The following SYNE1 variants were observed in gnomAD, a reference collection of about 807,000 sequenced individuals.
The protein encoded by SYNE1 is nesprin-1.
SYNE1 carries 616 observed loss-of-function variants against 1,111.0 expected under a neutral mutation model. The ratio of observed to expected loss-of-function variants is 0.55; its 90% CI spans 0.52 to 0.59. SYNE1 has a LOEUF of 0.59. Ranked by LOEUF, SYNE1 falls within the 20% of genes least tolerant of loss-of-function variation. The pLI is 0.00. For synonymous variants in SYNE1, 3,855 were observed against 3,825.8 expected (o/e 1.01, Z -0.28); for missense variants, 10,006 against 10,417.0 (o/e 0.96, Z 1.72).
chr6:152,375,171 G>A (rs1266787180), intron 58 of SYNE1, among the ~76,000 whole-genome samples: 3 of 152,092 alleles, frequency 2.0e-5, no homozygotes, highest in Non-Finnish European at 2.9e-5. Context: ...TCAAACTCCT[G>A]ATCTTAAGTG....
intron 137 of SYNE1, 109 bp downstream of exon 137, chr6:152,147,936 G>A (rs985269658): frequency 1.9e-4 from 192 of 998,926 alleles, no homozygotes; most frequent in South Asian, 5.9e-4. Context: ...CAATTTCCCC[G>A]CATGAAAGAA....
chr6:152,539,607 T>C (rs2099259785), intron 4 of SYNE1, among the ~76,000 whole-genome samples: 1 of 152,190 alleles, frequency 6.6e-6, no homozygotes, highest in African/African-American at 2.4e-5. Context: ...ACTTATAGCT[T>C]CTTTGTGTTC....
chr6:152,188,225 A>C (rs2070813315), intron 128 of SYNE1, among the ~76,000 whole-genome samples: 1 of 152,210 alleles, frequency 6.6e-6, no homozygotes, highest in South Asian at 2.1e-4. Context: ...ATTATGTGCC[A>C]GGCAGGGCAC....
Position 152,510,379 on chromosome 6 carries a change from T to C in SYNE1, c.403-8A>G. 6.2e-7 allele frequency: 1 copy of C among 1,613,626 alleles called. No homozygotes were observed. The highest frequency in any genetic ancestry group is 8.5e-7 in the Non-Finnish European group (1 of 1,179,838). The stretch of plus-strand genomic sequence containing the variant: ...GCTGGTCAACTCTTCAATCTGTTTG[T>C]GAGTTAACAGCCAGCAAAAATATAA... On this transcript the variant is annotated splice_region_variant and splice_polypyrimidine_tract_variant and intron_variant, in intron 7 of 145. Transcript: ENST00000367255.
At chr6:152,207,221 G>A (rs915498570) in intron 125 of SYNE1, among the ~76,000 whole-genome samples, 1 of 152,086 alleles carries the variant, frequency 6.6e-6, no homozygotes, top group Non-Finnish European at 1.5e-5. Context: ...GAAGTGTGAT[G>A]GGAAAGGGAG....
intron 131 of SYNE1, among the ~76,000 whole-genome samples, chr6:152,158,011 C>A (rs1237862817): frequency 6.6e-6 from 1 of 152,162 alleles, no homozygotes; most frequent in Admixed American, 6.5e-5. Flanking sequence ...CCCACCTCGG[C>A]CTCCCAAAGT....
In SYNE1 at chr6:152,330,080, T is replaced by A. The variant is rs765351426; in HGVS notation, c.14605A>T (p.Thr4869Ser). 6.2e-7 allele frequency: 1 copy of A among 1,614,146 alleles called. No homozygotes were observed. Among genetic ancestry groups the A allele is most frequent in the Non-Finnish European group, 8.5e-7 (1 of 1,180,004 alleles). The change falls in exon 78 of 146, where the codon ACT (threonine) becomes TCT (serine). Residue 4869 changes from threonine (T) to serine (S), a missense_variant. Thr to Ser is a moderately conservative substitution (Grantham distance 58, BLOSUM62 1). Transcript: ENST00000367255. ...GTCACCGTCTCACCAATGGCAGAAG[T>A]CAACAGTTTTAACTCCCCTTGCCAG... ...QSWQGELKLL[T>S]SAIGETVTEC...
chr6:152,257,861 A>G (rs1334934009), intron 101 of SYNE1, among the ~76,000 whole-genome samples: 1 of 152,202 alleles, frequency 6.6e-6, no homozygotes, highest in Non-Finnish European at 1.5e-5. Context: ...CATGCCAAAA[A>G]ATTCCCTAAA....
Position 152,391,263 on chromosome 6 carries a change from G to A in SYNE1, c.8004+14C>T. 1 of 1,613,724 alleles carries A rather than the reference G, an allele frequency of 6.2e-7. No individual in the cohort carries two copies. Among genetic ancestry groups the A allele is most frequent in the Admixed American group, 1.7e-5 (1 of 60,004 alleles). On this transcript the variant is annotated intron_variant, in intron 52 of 145. Coordinates refer to ENST00000367255, the MANE Select transcript of SYNE1 (RefSeq NM_182961.4). Reference sequence around the variant, plus strand: ...ATTCAGCAGTTGTCAGTGTCTGGCTGGTGTCGCATGTACCTGTATTTGTGA... The same window carrying A: ...ATTCAGCAGTTGTCAGTGTCTGGCTAGTGTCGCATGTACCTGTATTTGTGA...
chr6:152,423,705 T>C lies in SYNE1; in HGVS notation c.5267+1676A>G, dbSNP rs113590204. Reference sequence around the variant, plus strand: ...AGGCAGAACCCCAAACTCCTTACTGTGGTCTACAAGAAACCTCACATCATC... The same window carrying C: ...AGGCAGAACCCCAAACTCCTTACTGCGGTCTACAAGAAACCTCACATCATC... On this transcript the variant is annotated intron_variant, in intron 39 of 145. Transcript: ENST00000367255. 2.6e-3 allele frequency among the ~76,000 whole-genome samples: 393 copies of C among 152,358 alleles called. 4 individuals are homozygous for C. Among genetic ancestry groups the C allele is most frequent in the African/African-American group, 9.1e-3 (378 of 41,588 alleles).
Position 152,301,885 on chromosome 6 carries a change from T to G in SYNE1, c.17525A>C (p.His5842Pro). 1 of 1,613,416 alleles carries G rather than the reference T, an allele frequency of 6.2e-7. No homozygotes were observed. The highest frequency in any genetic ancestry group is 8.5e-7 in the Non-Finnish European group (1 of 1,179,546). Reference sequence around the variant, plus strand: ...GATCCTTACCATGACCACAGAGGGGTGGGCCGAAGGCGTGGGGAGGAGCTC... The same window carrying G: ...GATCCTTACCATGACCACAGAGGGGGGGGCCGAAGGCGTGGGGAGGAGCTC... The part of the protein sequence containing the change: ...DGELLPTPSA[H>P]PSVVMMTAGR... The change falls in exon 92 of 146, where the codon CAC becomes CCC. Residue 5842 changes from histidine to proline, a missense_variant. Transcript: ENST00000367255.
intron 44 of SYNE1, 106 bp downstream of exon 44, chr6:152,408,955 CAAAAAAA>C: frequency 1.1e-6 from 1 of 888,018 alleles, no homozygotes; most frequent in Non-Finnish European, 1.6e-6. Flanking sequence ...ACTCTGTCTC[CAAAAAAA>C]AAAAAAAAAG....
rs1330268847 is a variant in SYNE1 at position 152,293,618 on chromosome 6, C to T, written c.17982G>A (p.Arg5994=). The change falls in exon 95 of 146, where the codon AGG becomes AGA. Residue 5994 remains arginine, a synonymous_variant. Coordinates refer to ENST00000367255, the MANE Select transcript of SYNE1 (RefSeq NM_182961.4). ...LKLSESPEPG[R]SPESQMAEHQ... Reference sequence around the variant, plus strand: ...GTTCAGCCATCTGGCTTTCTGGACTCCTGCCAGGCTCTGGGCTCTCACTGA... The same window carrying T: ...GTTCAGCCATCTGGCTTTCTGGACTTCTGCCAGGCTCTGGGCTCTCACTGA... 1 of 1,614,018 alleles carries T rather than the reference C, an allele frequency of 6.2e-7. No homozygotes were observed. The highest frequency in any genetic ancestry group is 1.3e-5 in the African/African-American group (1 of 74,932).
chr6:152,390,186 T>A, intron 53 of SYNE1, 94 bp downstream of exon 53: 2 of 1,390,520 alleles, frequency 1.4e-6, no homozygotes, highest in Non-Finnish European at 2.0e-6. Flanking sequence ...GTAAAATGCT[T>A]GGGAATTCCA....
At chr6:152,553,442 C>T (rs1484552217) in intron 3 of SYNE1, among the ~76,000 whole-genome samples, 1 of 152,170 alleles carries the variant, frequency 6.6e-6, no homozygotes. Context: ...CTCCCTTTCC[C>T]CCGTACTATA....
At chr6:152,450,587 T>G (rs1228763983) in intron 27 of SYNE1, 38 bp downstream of exon 27, 1 of 1,543,056 alleles carries the variant, frequency 6.5e-7, no homozygotes, top group Non-Finnish European at 9.0e-7. Context: ...AGAATTAAGT[T>G]TGACTACACC....
At chr6:152,232,029 C>T (rs2082890276) in intron 113 of SYNE1, 87 bp downstream of exon 113, 1 of 1,037,480 alleles carries the variant, frequency 9.6e-7, no homozygotes, top group Non-Finnish European at 1.5e-6. Flanking sequence ...CATTCCAAGA[C>T]TTGATTACCA....
At chr6:152,417,153 C>T in intron 40 of SYNE1, 138 bp from the exon 41 acceptor site, 2 of 1,284,640 alleles carry the variant, frequency 1.6e-6, no homozygotes, top group Non-Finnish European at 2.1e-6. Context: ...TACAGTGAAT[C>T]TTAGAAAATT....
chr6:152,343,305 C>G (rs1336917198), intron 74 of SYNE1, among the ~76,000 whole-genome samples: 1 of 151,100 alleles, frequency 6.6e-6, no homozygotes, highest in African/African-American at 2.4e-5. Context: ...ATTACAGGCG[C>G]CTGCCACCAT....
Sources: gnomAD v4.1 joint callset for allele counts (sites outside exome capture counted in the v4.1 genomes callset) on GRCh38, gnomAD v4.1.1 for gene constraint, MANE v1.5 for transcripts, NCBI Gene and HGNC (gene_info 2026-07-23, HGNC 2026-07-21) for gene names.